The following RAB38 variants were observed in gnomAD, a reference collection of about 807,000 sequenced individuals.
The protein encoded by RAB38 is RAB38, member RAS oncogene family, also known as ras-related protein Rab-38.
A neutral mutation model predicts 18.4 loss-of-function variants in RAB38; 15 were observed. That is an observed-to-expected ratio of 0.82 (90% CI 0.55 to 1.26). The LOEUF is 1.26. RAB38 is among the 50% of genes most tolerant of loss of function. RAB38 has a pLI of 0.00. For synonymous variants in RAB38, 101 were observed against 104.4 expected (o/e 0.97, Z 0.20); for missense variants, 294 against 267.4 (o/e 1.10, Z -0.69).
chr11:87,966,398 C>A, the RAB38 span, among the ~76,000 whole-genome samples: 1 of 152,076 alleles, frequency 6.6e-6, no homozygotes, highest in Non-Finnish European at 1.5e-5. Flanking sequence ...AAACACTGGG[C>A]TCCAAGGGAA....
At chr11:87,908,246 G>A in the RAB38 span, among the ~76,000 whole-genome samples, 1 of 151,880 alleles carries the variant, frequency 6.6e-6, no homozygotes, top group Non-Finnish European at 1.5e-5. Context: ...CTGTTATGAA[G>A]CAGACCTACA....
the RAB38 span, among the ~76,000 whole-genome samples, chr11:88,046,495 G>A: frequency 5.3e-5 from 8 of 152,056 alleles, no homozygotes; most frequent in Non-Finnish European, 8.8e-5. Context: ...GCTTTCACTT[G>A]TACTGACCCT....
chr11:88,147,297 CTGAA>C (rs544471362), intron 2 of RAB38, among the ~76,000 whole-genome samples: 4 of 152,010 alleles, frequency 2.6e-5, no homozygotes, highest in East Asian at 1.9e-4. Context: ...TATTTATTGA[CTGAA>C]TGAATGAATG....
chr11:88,059,210 G>A, the RAB38 span, among the ~76,000 whole-genome samples: 1 of 152,176 alleles, frequency 6.6e-6, no homozygotes, highest in Non-Finnish European at 1.5e-5. Context: ...TTCAGTGGAT[G>A]GGAAGCGGCA....
chr11:87,880,271 C>A, the RAB38 span, among the ~76,000 whole-genome samples: 2 of 151,766 alleles, frequency 1.3e-5, no homozygotes, highest in African/African-American at 4.8e-5. Context: ...AGCCCTCTTA[C>A]AACTCAGTGA....
chr11:88,145,035 C>T (rs898190951), intron 2 of RAB38, among the ~76,000 whole-genome samples: 3 of 151,912 alleles, frequency 2.0e-5, no homozygotes, highest in Non-Finnish European at 2.9e-5. Flanking sequence ...GCTAGATCGG[C>T]GTATGGGCTG....
the RAB38 span, among the ~76,000 whole-genome samples, chr11:87,964,148 A>G: frequency 6.6e-6 from 1 of 152,134 alleles, no homozygotes; most frequent in Non-Finnish European, 1.5e-5. Context: ...GTAGTAACTT[A>G]AAACACCACC....
At chr11:87,829,778 C>T in the RAB38 span, among the ~76,000 whole-genome samples, 1 of 152,138 alleles carries the variant, frequency 6.6e-6, no homozygotes, top group South Asian at 2.1e-4. Context: ...AGGTAACTCT[C>T]AGCAGTGTGG....
intron 2 of RAB38, among the ~76,000 whole-genome samples, chr11:88,131,265 G>A (rs1942764638): frequency 6.6e-6 from 1 of 152,144 alleles, no homozygotes; most frequent in South Asian, 2.1e-4. Flanking sequence ...TAATTAAGAA[G>A]TATGACAATG....
the RAB38 span, among the ~76,000 whole-genome samples, chr11:87,909,982 A>G: frequency 6.6e-6 from 1 of 152,096 alleles, no homozygotes; most frequent in Non-Finnish European, 1.5e-5. Context: ...AGAAACTGCC[A>G]AAGTGTTTTT....
At chr11:88,132,704 C>CT (rs1942780280) in intron 2 of RAB38, among the ~76,000 whole-genome samples, 1 of 152,182 alleles carries the variant, frequency 6.6e-6, no homozygotes, top group African/African-American at 2.4e-5. Context: ...GGTGATCCAC[C>CT]TGCCTTGGCC....
chr11:88,038,062 G>A, the RAB38 span, among the ~76,000 whole-genome samples: 1 of 152,150 alleles, frequency 6.6e-6, no homozygotes, highest in African/African-American at 2.4e-5. Flanking sequence ...TCATCTGTGA[G>A]TTGCCTTTTT....
chr11:87,891,471 G>A, the RAB38 span, among the ~76,000 whole-genome samples: 1 of 151,844 alleles, frequency 6.6e-6, no homozygotes, highest in African/African-American at 2.4e-5. Flanking sequence ...GTTTCCAGTG[G>A]TGGGCAGGCT....
the RAB38 span, among the ~76,000 whole-genome samples, chr11:87,824,275 T>C: frequency 6.6e-6 from 1 of 152,260 alleles, no homozygotes; most frequent in African/African-American, 2.4e-5. Context: ...CTAGAAAATA[T>C]CTACAGATGC....
At chr11:88,013,430 G>C in the RAB38 span, among the ~76,000 whole-genome samples, 1 of 152,066 alleles carries the variant, frequency 6.6e-6, no homozygotes, top group Non-Finnish European at 1.5e-5. Flanking sequence ...CTTCATGATT[G>C]CTTTTTTGTT....
the RAB38 span, among the ~76,000 whole-genome samples, chr11:87,889,800 ATG>A: frequency 6.6e-6 from 1 of 151,532 alleles, no homozygotes; most frequent in Non-Finnish European, 1.5e-5. Context: ...TAACATGTAG[ATG>A]TGTGTGTGTT....
At chr11:88,059,328 C>T in the RAB38 span, among the ~76,000 whole-genome samples, 1 of 152,140 alleles carries the variant, frequency 6.6e-6, no homozygotes, top group Non-Finnish European at 1.5e-5. Flanking sequence ...TTCCCTCTGG[C>T]TTATAATCTC....
At chr11:88,148,307 G>C (rs967867170) in intron 2 of RAB38, among the ~76,000 whole-genome samples, 4 of 152,200 alleles carry the variant, frequency 2.6e-5, no homozygotes, top group African/African-American at 9.7e-5. Flanking sequence ...AGAAAAAGTG[G>C]CACCACTGCC....
chr11:87,869,230 A>T, the RAB38 span, among the ~76,000 whole-genome samples: 1 of 151,702 alleles, frequency 6.6e-6, no homozygotes, highest in African/African-American at 2.4e-5. Flanking sequence ...GTCAGCTACT[A>T]CTTTTCAGAT....
Sources: gnomAD v4.1 joint callset for allele counts (sites outside exome capture counted in the v4.1 genomes callset) on GRCh38, gnomAD v4.1.1 for gene constraint, MANE v1.5 for transcripts, NCBI Gene and HGNC (gene_info 2026-07-23, HGNC 2026-07-21) for gene names.